ALKAL1: variants seen among roughly 807,000 people sequenced by gnomAD.
ALKAL1 encodes AUG-beta.
Under a neutral mutation model 13.5 loss-of-function variants are expected in ALKAL1, and 23 were observed. That is an observed-to-expected ratio of 1.70 (90% CI 1.23 to 2.41). The LOEUF (loss-of-function observed/expected upper bound fraction) is 2.41. ALKAL1 is among the 30% of genes most tolerant of loss of function. The probability of loss-of-function intolerance (pLI) is 0.00; values close to 1 mark genes in which losing one functional copy is unlikely to be tolerated. For synonymous variants in ALKAL1, 85 were observed against 77.7 expected (o/e 1.09, Z -0.49); for missense variants, 181 against 178.4 (o/e 1.01, Z -0.08).
intron 2 of ALKAL1, 139 bp downstream of exon 2, chr8:52,542,253 A>G (rs1471572141): frequency 5.1e-6 from 3 of 590,162 alleles, no homozygotes; most frequent in Non-Finnish European, 9.0e-6. Flanking sequence ...AACACAAGTT[A>G]GTAGCATCCG....
At position 52,565,372 on chromosome 8, in the gene ALKAL1, G is replaced by T. The variant is rs937944375; in HGVS notation, c.-116C>A. ...CCACAGCGCGGCTACGCGGCCGGCC[G>T]CAGTCTTCACCGCGCGCCTGCCCTT... On this transcript the variant is annotated 5_prime_UTR_variant, in exon 1 of 5. Transcript: ENST00000358543. 1.3e-5 allele frequency: 11 copies of T among 844,076 alleles called. No individual in the cohort carries two copies. Among genetic ancestry groups the T allele is most frequent in the African/African-American group, 8.8e-5 (5 of 56,690 alleles). The allele number at this position is 844,076 out of a possible 1,614,324, so 52.3% of individuals were successfully genotyped here. A position where few individuals can be genotyped will look rare whatever the true frequency, so the allele number is the denominator to read the frequency against.
intron 2 of ALKAL1, 83 bp downstream of exon 2, chr8:52,542,309 T>G (rs1226755991): frequency 1.1e-6 from 1 of 910,332 alleles, no homozygotes; most frequent in Non-Finnish European, 1.7e-6. Flanking sequence ...ACATTTATTT[T>G]CATATCCCTA....
rs59483863 is a variant in ALKAL1, at chr8:52,556,646, CAAAAAAAAAAAA to C, written c.190+8409_190+8420del. ...TGGGCGACAGAGCGAAACTCTGTCT[CAAAAAAAAAAAA>C]AAAAAAAAAAAAAAAAGATTGGATG... On this transcript the variant is annotated intron_variant, in intron 1 of 4. Coordinates refer to ENST00000358543, the MANE Select transcript of ALKAL1 (RefSeq NM_207413.4). Among the ~76,000 whole-genome samples the C allele has an allele frequency of 2.7e-3, 137 of 51,378 alleles. 2 individuals are homozygous for C. The highest frequency in any genetic ancestry group is 0.019 in the Middle Eastern group (1 of 52). The allele number at this position is 51,378 out of a possible 152,430, so 33.7% of individuals were successfully genotyped here. A position where few individuals can be genotyped will look rare whatever the true frequency, so the allele number is the denominator to read the frequency against.
At chr8:52,555,716 C>T (rs991266794) in intron 1 of ALKAL1, among the ~76,000 whole-genome samples, 1 of 152,162 alleles carries the variant, frequency 6.6e-6, no homozygotes, top group Non-Finnish European at 1.5e-5. Context: ...ATCATTCAAA[C>T]CAGCCAATCC....
At chr8:52,557,006 A>G (rs1424293187) in intron 1 of ALKAL1, among the ~76,000 whole-genome samples, 1 of 152,206 alleles carries the variant, frequency 6.6e-6, no homozygotes, top group Non-Finnish European at 1.5e-5. Context: ...TTGTTTTCAA[A>G]TCTATTAGAA....
intron 1 of ALKAL1, among the ~76,000 whole-genome samples, chr8:52,548,791 T>C (rs1260333245): frequency 2.6e-5 from 4 of 152,152 alleles, no homozygotes; most frequent in African/African-American, 4.8e-5. Flanking sequence ...TTGTAAAAGT[T>C]TCTAGTTTTT....
At chr8:52,564,701 C>T (rs952368760) in intron 1 of ALKAL1, among the ~76,000 whole-genome samples, 10 of 152,162 alleles carry the variant, frequency 6.6e-5, no homozygotes, top group Admixed American at 6.5e-4. Context: ...ATTCTCAAAA[C>T]CCCGGAAGAT....
At chr8:52,559,549 A>C (rs1219115368) in intron 1 of ALKAL1, among the ~76,000 whole-genome samples, 1 of 152,046 alleles carries the variant, frequency 6.6e-6, no homozygotes, top group Non-Finnish European at 1.5e-5. Flanking sequence ...GAATTCTCAA[A>C]GAGTTTGTTA....
intron 1 of ALKAL1, among the ~76,000 whole-genome samples, chr8:52,564,779 T>G (rs1331153784): frequency 1.3e-5 from 2 of 152,176 alleles, no homozygotes; most frequent in Non-Finnish European, 2.9e-5. Context: ...CTGAAACCCA[T>G]GTCTTTGAGC....
intron 1 of ALKAL1, among the ~76,000 whole-genome samples, chr8:52,563,224 C>G (rs1427680927): frequency 6.6e-6 from 1 of 152,100 alleles, no homozygotes; most frequent in Non-Finnish European, 1.5e-5. Flanking sequence ...TCGAGACCAG[C>G]CTAGCGCAAC....
chr8:52,553,355 A>C (rs1172471334), intron 1 of ALKAL1, among the ~76,000 whole-genome samples: 1 of 152,188 alleles, frequency 6.6e-6, no homozygotes, highest in African/African-American at 2.4e-5. Flanking sequence ...CTCTAAAAAA[A>C]AATTGGAAGG....
chr8:52,545,265 G>A (rs542794133), intron 1 of ALKAL1, among the ~76,000 whole-genome samples: 15 of 152,110 alleles, frequency 9.9e-5, no homozygotes, highest in Non-Finnish European at 1.8e-4. Flanking sequence ...CATCCCTCAC[G>A]ATTTGCCCAC....
chr8:52,547,368 C>A lies in ALKAL1; in HGVS notation c.191-4923G>T, dbSNP rs553426295. On this transcript the variant is annotated intron_variant, in intron 1 of 4. Transcript: ENST00000358543. ...CAAAAAAATTAGCCTAGCGTGGTAG[C>A]GTGTGCCAGAAATCCCAGCTACTCG... 9.2e-5 allele frequency among the ~76,000 whole-genome samples: 14 copies of A among 152,084 alleles called. No individual in the cohort carries two copies. In the East Asian group the frequency reaches 2.7e-3, roughly 30 times the overall value.
At chr8:52,560,743 TC>T (rs751839286) in intron 1 of ALKAL1, among the ~76,000 whole-genome samples, 2 of 151,418 alleles carry the variant, frequency 1.3e-5, no homozygotes. Flanking sequence ...AGAAACTCAT[TC>T]CTCTAAGTTA....
chr8:52,560,416 T>A (rs746838958), intron 1 of ALKAL1, among the ~76,000 whole-genome samples: 9 of 152,288 alleles, frequency 5.9e-5, no homozygotes, highest in African/African-American at 2.2e-4. Context: ...TCGAAGGAAA[T>A]ATCACCTGGC....
chr8:52,540,132 A>G (rs551706348), intron 2 of ALKAL1, among the ~76,000 whole-genome samples: 8 of 152,290 alleles, frequency 5.3e-5, no homozygotes, highest in South Asian at 2.1e-4. Context: ...CGATATCTCA[A>G]ATAATGGAAT....
chr8:52,560,030 C>T (rs1847531444), intron 1 of ALKAL1, among the ~76,000 whole-genome samples: 1 of 151,886 alleles, frequency 6.6e-6, no homozygotes, highest in Non-Finnish European at 1.5e-5. Context: ...AACCGAGTAA[C>T]CCCTAGTCTT....
rs78195153 is a variant in ALKAL1 at position 52,544,590 on chromosome 8, C to T, written c.191-2145G>A. Among the ~76,000 whole-genome samples the T allele has an allele frequency of 5.1e-3, 772 of 151,890 alleles. 12 individuals are homozygous for T. The highest frequency in any genetic ancestry group is 0.017 in the African/African-American group (720 of 41,418). On this transcript the variant is annotated intron_variant, in intron 1 of 4. Transcript: ENST00000358543. The stretch of plus-strand genomic sequence containing the variant: ...TACGGTTAAGCTATTTTCAAAAGAC[C>T]GTTGAGGGAGGGAGGGAATGGGGAG...
chr8:52,564,766 G>T (rs1250034758), intron 1 of ALKAL1, among the ~76,000 whole-genome samples: 1 of 152,142 alleles, frequency 6.6e-6, no homozygotes, highest in Non-Finnish European at 1.5e-5. Flanking sequence ...TCGGTCGGTG[G>T]GACTGAAACC....
Sources: gnomAD v4.1 joint callset for allele counts (sites outside exome capture counted in the v4.1 genomes callset) on GRCh38, gnomAD v4.1.1 for gene constraint, MANE v1.5 for transcripts, NCBI Gene and HGNC (gene_info 2026-07-23, HGNC 2026-07-21) for gene names.